Variants in DYM observed in about 807,000 individuals in gnomAD.
DYM encodes the protein dymeclin, also known as dyggve-Melchior-Clausen syndrome protein.
A neutral mutation model predicts 93.1 loss-of-function variants in DYM; 78 were observed. The observed-to-expected ratio is 0.84, with a 90% CI of 0.70 to 1.01. The LOEUF (loss-of-function observed/expected upper bound fraction) is 1.01, where lower values mean the gene tolerates loss of function less well. Among genes scored for constraint, DYM ranks in the 50% least tolerant of loss-of-function variants. DYM has a pLI of 0.00. For synonymous variants in DYM, 321 were observed against 319.7 expected, an observed-to-expected ratio of 1.00 and a Z score of -0.04; for missense variants, 789 against 845.0, an observed-to-expected ratio of 0.93 and a Z score of 0.82.
At chr18:49,395,355 C>A (rs547989289) in intron 2 of DYM, among the ~76,000 whole-genome samples, 1 of 152,040 alleles carries the variant, frequency 6.6e-6, no homozygotes. Context: ...CAAGGCCAGG[C>A]GCAGTGGCTC....
intron 13 of DYM, among the ~76,000 whole-genome samples, chr18:49,226,133 T>G (rs1221623740): frequency 6.6e-6 from 1 of 152,002 alleles, no homozygotes; most frequent in African/African-American, 2.4e-5. Flanking sequence ...CACCTGAAAA[T>G]AGTTTTTAAA....
chr18:49,453,449 G>A (rs542695737), intron 1 of DYM, among the ~76,000 whole-genome samples: 13 of 152,276 alleles, frequency 8.5e-5, no homozygotes, highest in South Asian at 4.1e-4. Flanking sequence ...CACTCACTGC[G>A]AAGGTCTGCA....
In DYM at chr18:49,100,030, C is replaced by T. The variant is rs72921688; in HGVS notation, c.1912-2515G>A. On this transcript the variant is annotated intron_variant, in intron 16 of 17. Transcript: ENST00000675505. ...AACACATATACTACACTAAGCTTTACGTGAATGAACAGGTGAGCGCATGTA... is the reference window on the plus strand; with the variant it reads ...AACACATATACTACACTAAGCTTTATGTGAATGAACAGGTGAGCGCATGTA... 6.2e-3 allele frequency among the ~76,000 whole-genome samples: 944 copies of T among 152,212 alleles called. 3 individuals carry two copies. The highest frequency in any genetic ancestry group is 0.01 in the Non-Finnish European group (690 of 67,996).
intron 14 of DYM, among the ~76,000 whole-genome samples, chr18:49,207,263 A>G (rs2092561829): frequency 6.6e-6 from 1 of 152,208 alleles, no homozygotes; most frequent in South Asian, 2.1e-4. Flanking sequence ...ATGATATGCT[A>G]TACGATGTAT....
intron 14 of DYM, among the ~76,000 whole-genome samples, chr18:49,186,442 T>C (rs2090438951): frequency 6.6e-6 from 1 of 152,128 alleles, no homozygotes; most frequent in Admixed American, 6.5e-5. Flanking sequence ...GAATCCTTTG[T>C]CTCTCTCGCC....
At chr18:49,111,188 C>A (rs897858472) in intron 16 of DYM, among the ~76,000 whole-genome samples, 1 of 151,794 alleles carries the variant, frequency 6.6e-6, no homozygotes, top group Non-Finnish European at 1.5e-5. Flanking sequence ...GTAACATATT[C>A]TTCTTTTTTT....
intron 8 of DYM, among the ~76,000 whole-genome samples, chr18:49,301,407 G>A (rs1004813129): frequency 6.6e-6 from 1 of 151,716 alleles, no homozygotes. Context: ...TACAGTCCCA[G>A]CTACTCGGGA....
intron 14 of DYM, among the ~76,000 whole-genome samples, chr18:49,179,966 T>C (rs988370112): frequency 6.6e-6 from 1 of 152,120 alleles, no homozygotes; most frequent in Non-Finnish European, 1.5e-5. Flanking sequence ...TTACTTTTGG[T>C]AGAGGAAATT....
At chr18:49,057,676 C>G (rs2075618000) in intron 17 of DYM, among the ~76,000 whole-genome samples, 1 of 152,218 alleles carries the variant, frequency 6.6e-6, no homozygotes, top group Non-Finnish European at 1.5e-5. Flanking sequence ...GCATTTCATG[C>G]TCCCCATGGC....
chr18:49,087,079 G>C (rs994793190), intron 17 of DYM, among the ~76,000 whole-genome samples: 5 of 152,076 alleles, frequency 3.3e-5, no homozygotes, highest in African/African-American at 1.2e-4. Context: ...AAAGCAGGAA[G>C]ATGGCCATCT....
chr18:49,351,301 G>A (rs978737732), intron 6 of DYM, among the ~76,000 whole-genome samples: 1 of 152,032 alleles, frequency 6.6e-6, no homozygotes, highest in Non-Finnish European at 1.5e-5. Context: ...AACCCGGGAG[G>A]TGGAGGTTGC....
At chr18:49,361,424 T>TA (rs1256537561) in intron 6 of DYM, among the ~76,000 whole-genome samples, 1 of 152,242 alleles carries the variant, frequency 6.6e-6, no homozygotes, top group Non-Finnish European at 1.5e-5. Context: ...CATTTCCAAT[T>TA]ATATCTCCAT....
chr18:49,358,210 C>T lies in DYM; in HGVS notation c.494+4951G>A, dbSNP rs147250004. ...TGAAAAAAGACACAGAATGAGAGGGCAGCTATTTTCAGGTGGTCAAAGCTA... is the reference window on the plus strand; with the variant it reads ...TGAAAAAAGACACAGAATGAGAGGGTAGCTATTTTCAGGTGGTCAAAGCTA... On this transcript the variant is annotated intron_variant, in intron 6 of 17. Transcript: ENST00000675505. 5.8e-3 allele frequency among the ~76,000 whole-genome samples: 889 copies of T among 152,194 alleles called. 9 individuals are homozygous for T. Among genetic ancestry groups the T allele is most frequent in the African/African-American group, 0.02 (824 of 41,538 alleles).
chr18:49,420,358 AG>A (rs2073517863), intron 2 of DYM, among the ~76,000 whole-genome samples: 1 of 151,702 alleles, frequency 6.6e-6, no homozygotes, highest in Admixed American at 6.6e-5. Context: ...TAGTAGAGAT[AG>A]GGTTTCACCA....
At chr18:49,410,634 A>G (rs1264246997) in intron 2 of DYM, among the ~76,000 whole-genome samples, 1 of 147,764 alleles carries the variant, frequency 6.8e-6, no homozygotes, top group Non-Finnish European at 1.5e-5. Flanking sequence ...ACATAGTGAG[A>G]CCTTTTCTCT....
chr18:49,209,976 A>C (rs1427745819), intron 13 of DYM, among the ~76,000 whole-genome samples: 1 of 152,208 alleles, frequency 6.6e-6, no homozygotes, highest in African/African-American at 2.4e-5. Flanking sequence ...AACATCATAC[A>C]TCACTAGGAA....
At chr18:49,063,619 CTTTTT>C (rs67482709) in intron 17 of DYM, among the ~76,000 whole-genome samples, 3 of 71,984 alleles carry the variant, frequency 4.2e-5, no homozygotes, top group East Asian at 7.5e-4. Context: ...CTTTCTCTCT[CTTTTT>C]TTTTTTTTTT....
chr18:49,043,875 T>A lies in DYM; in HGVS notation c.*180A>T, dbSNP rs978879973. The A allele has an allele frequency of 4.2e-6, 3 of 716,184 alleles. 1 individual carries two copies. Among genetic ancestry groups the A allele is most frequent in the Admixed American group, 4.7e-5 (2 of 42,568 alleles). 44.4% of individuals were successfully genotyped at this position (716,184 alleles called of 1,614,324 possible). A position where few individuals can be genotyped will look rare whatever the true frequency, so the allele number is the denominator to read the frequency against. ...TTTTGCAATACTATCTACGCTGAGT[T>A]ATCTATTGCCAACTAGCACCAATTC... On this transcript the variant is annotated 3_prime_UTR_variant, in exon 18 of 18. Transcript: ENST00000675505.
intron 13 of DYM, among the ~76,000 whole-genome samples, chr18:49,222,884 T>TAGTC (rs955046797): frequency 2.6e-4 from 39 of 152,256 alleles, no homozygotes; most frequent in African/African-American, 8.9e-4. Context: ...TAAAACCGTT[T>TAGTC]AGTCAAATGA....
Sources: gnomAD v4.1 joint callset for allele counts (sites outside exome capture counted in the v4.1 genomes callset) on GRCh38, gnomAD v4.1.1 for gene constraint, MANE v1.5 for transcripts, NCBI Gene and HGNC (gene_info 2026-07-23, HGNC 2026-07-21) for gene names.